MICU3: variants seen among roughly 807,000 people sequenced by gnomAD.
MICU3 encodes the protein mitochondrial calcium uptake 3.
A neutral mutation model predicts 66.5 loss-of-function variants in MICU3; 62 were observed. The observed-to-expected ratio is 0.93, with a 90% CI of 0.76 to 1.15. MICU3 has a LOEUF of 1.15. Ranked by LOEUF, MICU3 falls within the 50% of genes most tolerant of loss-of-function variation. The probability of loss-of-function intolerance (pLI) is 0.00; values close to 1 mark genes in which losing one functional copy is unlikely to be tolerated. For synonymous variants in MICU3, 308 were observed against 240.7 expected (o/e 1.28, Z -2.59); for missense variants, 779 against 664.4 (o/e 1.17, Z -1.90).
intron 1 of MICU3, among the ~76,000 whole-genome samples, chr8:17,053,481 C>G (rs985527302): frequency 6.6e-6 from 1 of 152,192 alleles, no homozygotes; most frequent in Non-Finnish European, 1.5e-5. Flanking sequence ...GCCCTAGCCT[C>G]ACTACCTTAA....
At position 17,049,122 on chromosome 8, in the gene MICU3, C is replaced by T. The variant is rs115011508; in HGVS notation, c.382-14962C>T. On this transcript the variant is annotated intron_variant, in intron 1 of 14. Coordinates refer to ENST00000318063, the MANE Select transcript of MICU3 (RefSeq NM_181723.3). The stretch of plus-strand genomic sequence containing the variant: ...TGGGAACATTTCAGACTTTTCTCTT[C>T]GATGATGAGACTAAATTTCTAAACA... 7.9e-3 allele frequency among the ~76,000 whole-genome samples: 1,206 copies of T among 152,204 alleles called. 16 individuals are homozygous for T. Among genetic ancestry groups the T allele is most frequent in the African/African-American group, 0.028 (1,153 of 41,518 alleles).
In MICU3 at chr8:17,064,500, G is replaced by T. The variant is rs1818371656; in HGVS notation, c.535+263G>T. Among the ~76,000 whole-genome samples the T allele has an allele frequency of 2.0e-5, 3 of 152,028 alleles. No individual in the cohort carries two copies. The South Asian group carries it at 6.2e-4, about 31-fold the overall frequency. On this transcript the variant is annotated intron_variant, in intron 2 of 14. Transcript: ENST00000318063. ...ACTCTTTATAAAAGACTCATATTCT[G>T]CCTCTTCATTCTTATATCAAACCTG...
chr8:17,113,405 A>G (rs1387382949), intron 11 of MICU3, among the ~76,000 whole-genome samples: 1 of 152,216 alleles, frequency 6.6e-6, no homozygotes, highest in Non-Finnish European at 1.5e-5. Flanking sequence ...TATTCAACTG[A>G]AGTAACAGCA....
intron 1 of MICU3, among the ~76,000 whole-genome samples, chr8:17,034,228 T>C (rs1455377202): frequency 6.6e-6 from 1 of 152,174 alleles, no homozygotes; most frequent in Non-Finnish European, 1.5e-5. Context: ...TACAGCATGG[T>C]TTACTGATTG....
At chr8:17,096,228 A>G (rs1442621829) in intron 8 of MICU3, among the ~76,000 whole-genome samples, 2 of 151,792 alleles carry the variant, frequency 1.3e-5, no homozygotes, top group African/African-American at 4.8e-5. Flanking sequence ...ACACCTGGGC[A>G]TTTTTCTCTG....
chr8:17,070,571 AT>A (rs1176832775), intron 3 of MICU3, among the ~76,000 whole-genome samples: 2 of 151,870 alleles, frequency 1.3e-5, no homozygotes, highest in Non-Finnish European at 2.9e-5. Flanking sequence ...CTAATTTTCT[AT>A]TTTTTAAGTT....
intron 1 of MICU3, among the ~76,000 whole-genome samples, chr8:17,040,993 G>C (rs966946529): frequency 5.9e-5 from 9 of 152,318 alleles, no homozygotes; most frequent in South Asian, 2.1e-4. Flanking sequence ...TGATGAATCT[G>C]TAACTTGTAC....
intron 1 of MICU3, among the ~76,000 whole-genome samples, chr8:17,050,714 T>C (rs1815930658): frequency 6.6e-6 from 1 of 152,092 alleles, no homozygotes; most frequent in South Asian, 2.1e-4. Context: ...TTTTGGTGAG[T>C]TTTTCTTTGT....
intron 9 of MICU3, among the ~76,000 whole-genome samples, chr8:17,101,973 A>G (rs535978957): frequency 6.6e-6 from 1 of 151,804 alleles, no homozygotes; most frequent in African/African-American, 2.4e-5. Context: ...CCTTACCACA[A>G]CCCTTTGGGA....
intron 11 of MICU3, among the ~76,000 whole-genome samples, chr8:17,106,642 T>C (rs1585530140): frequency 6.6e-6 from 1 of 152,046 alleles, no homozygotes; most frequent in East Asian, 1.9e-4. Context: ...TCTGAAAAAT[T>C]CCAATTTCTA....
intron 9 of MICU3, among the ~76,000 whole-genome samples, chr8:17,103,944 C>T (rs1285719301): frequency 6.6e-6 from 1 of 151,734 alleles, no homozygotes; most frequent in Admixed American, 6.6e-5. Context: ...CTTTTGTCAG[C>T]TCCATTTATT....
chr8:17,068,023 A>C (rs1285155900), intron 2 of MICU3, among the ~76,000 whole-genome samples: 2 of 152,148 alleles, frequency 1.3e-5, no homozygotes, highest in Non-Finnish European at 2.9e-5. Flanking sequence ...TTATTTTCCA[A>C]CATAGCATCA....
At chr8:17,050,652 C>T (rs1815918992) in intron 1 of MICU3, among the ~76,000 whole-genome samples, 1 of 152,122 alleles carries the variant, frequency 6.6e-6, no homozygotes, top group African/African-American at 2.4e-5. Context: ...TATTCTCTAA[C>T]AGTTTTTCCA....
chr8:17,100,247 A>G (rs142763405), intron 9 of MICU3, among the ~76,000 whole-genome samples: 205 of 151,484 alleles, frequency 1.4e-3, no homozygotes, highest in African/African-American at 4.7e-3. Flanking sequence ...TTGCCAGCAC[A>G]CTATTGGCTG....
At chr8:17,058,785 C>G (rs1443526806) in intron 1 of MICU3, among the ~76,000 whole-genome samples, 1 of 152,182 alleles carries the variant, frequency 6.6e-6, no homozygotes, top group African/African-American at 2.4e-5. Context: ...TTGGTCAGAA[C>G]TGTATCATAG....
the MICU3 span, among the ~76,000 whole-genome samples, chr8:17,135,428 A>C: frequency 6.6e-6 from 1 of 151,534 alleles, no homozygotes; most frequent in Non-Finnish European, 1.5e-5. Flanking sequence ...TTTCCGTTAG[A>C]TTTTCTATCT....
At chr8:17,069,252 G>A (rs1401223965) in intron 2 of MICU3, among the ~76,000 whole-genome samples, 4 of 151,842 alleles carry the variant, frequency 2.6e-5, no homozygotes, top group South Asian at 2.1e-4. Flanking sequence ...TGTGAATTAC[G>A]TCATGGAACA....
chr8:17,062,590 T>C (rs1177608072), intron 1 of MICU3, among the ~76,000 whole-genome samples: 4 of 152,224 alleles, frequency 2.6e-5, no homozygotes, highest in Non-Finnish European at 5.9e-5. Flanking sequence ...TGGGTTGTTT[T>C]TGTTATGGCT....
At chr8:17,128,140 G>T in the MICU3 span, among the ~76,000 whole-genome samples, 1 of 151,872 alleles carries the variant, frequency 6.6e-6, no homozygotes. Flanking sequence ...AATCAGCTTT[G>T]AAACAGCAGT....
Sources: allele counts gnomAD v4.1 joint callset (sites outside exome capture counted in the v4.1 genomes callset), GRCh38; gene constraint gnomAD v4.1.1; transcripts MANE v1.5; gene names NCBI Gene and HGNC (gene_info 2026-07-23, HGNC 2026-07-21).